KCNJ15: variants seen among roughly 807,000 people sequenced by gnomAD.
KCNJ15 encodes the protein potassium inwardly rectifying channel subfamily J member 15.
KCNJ15 carries 14 observed loss-of-function variants against 23.0 expected under a neutral mutation model. The ratio of observed to expected loss-of-function variants is 0.61; its 90% CI spans 0.40 to 0.95. The LOEUF is 0.95. Ranked by LOEUF, KCNJ15 falls within the 40% of genes least tolerant of loss-of-function variation. The pLI is 0.00. For missense variants in KCNJ15, 388 were observed against 461.8 expected, an observed-to-expected ratio of 0.84 and a Z score of 1.46; for synonymous variants, 185 against 183.2, an observed-to-expected ratio of 1.01 and a Z score of -0.08.
At chr21:38,278,274 G>A (rs1982951582) in intron 1 of KCNJ15, among the ~76,000 whole-genome samples, 1 of 152,216 alleles carries the variant, frequency 6.6e-6, no homozygotes, top group Admixed American at 6.5e-5. Context: ...TTGCATTCCA[G>A]TGGAAGGTGG....
chr21:38,254,984 A>T (rs2123590230), upstream of KCNJ15, among the ~76,000 whole-genome samples: 1 of 152,316 alleles, frequency 6.6e-6, no homozygotes, highest in African/African-American at 2.4e-5. Flanking sequence ...AAATATGCAT[A>T]TTTTTTGAGG....
intron 1 of KCNJ15, among the ~76,000 whole-genome samples, chr21:38,288,030 G>T (rs8133557): frequency 0.66 from 53,951 of 81,162 alleles, 17,115 homozygotes; most frequent in South Asian, 0.74. Flanking sequence ...TTTTTTCTTT[G>T]TTTTTTTTTT....
At chr21:38,297,300 C>T (rs772059143) in intron 2 of KCNJ15, among the ~76,000 whole-genome samples, 2 of 152,210 alleles carry the variant, frequency 1.3e-5, no homozygotes, top group Non-Finnish European at 2.9e-5. Flanking sequence ...TCATCCCAAG[C>T]CTGGCTTGCT....
chr21:38,261,575 A>G (rs962725045), intron 1 of KCNJ15, among the ~76,000 whole-genome samples: 7 of 152,182 alleles, frequency 4.6e-5, no homozygotes, highest in Non-Finnish European at 1.0e-4. Context: ...ACCAATCTTA[A>G]TGCTATCTAG....
At chr21:38,267,011 G>C (rs965140192) in intron 1 of KCNJ15, among the ~76,000 whole-genome samples, 12 of 152,196 alleles carry the variant, frequency 7.9e-5, no homozygotes, top group Non-Finnish European at 1.6e-4. Flanking sequence ...ATGATCAAGT[G>C]ACTAATTCAA....
chr21:38,293,285 A>G (rs939547356), intron 1 of KCNJ15, among the ~76,000 whole-genome samples: 1 of 152,174 alleles, frequency 6.6e-6, no homozygotes, highest in Non-Finnish European at 1.5e-5. Flanking sequence ...AAGGCAAGCC[A>G]TGTGATGATC....
chr21:38,238,756 G>A (rs1229577460), intron 1 of KCNJ15: 2 of 365,948 alleles, frequency 5.5e-6, no homozygotes, highest in East Asian at 1.2e-4. Flanking sequence ...AGGAAAAGAG[G>A]GGAGAAGAGT....
intron 1 of KCNJ15, among the ~76,000 whole-genome samples, chr21:38,265,594 C>T (rs1169750922): frequency 6.6e-6 from 1 of 152,192 alleles, no homozygotes; most frequent in Non-Finnish European, 1.5e-5. Flanking sequence ...GTGATCTTCA[C>T]CAAGTATATT....
chr21:38,257,828 A>T (rs538354714), intron 1 of KCNJ15, among the ~76,000 whole-genome samples: 76 of 152,374 alleles, frequency 5.0e-4, no homozygotes, highest in Non-Finnish European at 9.1e-4. Context: ...ATACTGGGTG[A>T]AATTTCCACA....
chr21:38,267,933 C>T (rs1981633174), intron 1 of KCNJ15, among the ~76,000 whole-genome samples: 2 of 152,144 alleles, frequency 1.3e-5, no homozygotes, highest in African/African-American at 2.4e-5. Context: ...GAGGGGGTTA[C>T]ATCTGTTCTT....
In KCNJ15 at chr21:38,300,003, C is replaced by T. The variant is rs1394500127; in HGVS notation, c.742C>T (p.Leu248Phe). The stretch of plus-strand genomic sequence containing the variant: ...GGACTCCTCCTCTGAGAGCCCCTTC[C>T]TCATTCTGCCCATGACATTCTACCA... The part of the protein sequence containing the change: ...HVDSSSESPF[L>F]ILPMTFYHVL... The change falls in exon 3 of 3, where the codon CTC (leucine) becomes TTC (phenylalanine). Residue 248 changes from leucine (L) to phenylalanine (F), a missense_variant. Transcript: ENST00000398938. 1 of 1,613,992 alleles carries T rather than the reference C, an allele frequency of 6.2e-7. No homozygotes were observed. The highest frequency in any genetic ancestry group is 8.5e-7 in the Non-Finnish European group (1 of 1,180,038).
chr21:38,295,058 A>C (rs1985002272), intron 1 of KCNJ15, among the ~76,000 whole-genome samples: 2 of 152,230 alleles, frequency 1.3e-5, no homozygotes, highest in Admixed American at 1.3e-4. Flanking sequence ...TGGGAGGATT[A>C]ACCCTTTTCT....
rs1403432473 is a variant in KCNJ15 at position 38,307,125 on chromosome 21, A to G, written c.*6736A>G. The G allele has an allele frequency of 1.3e-5, 2 of 152,220 alleles. No homozygotes were observed. Among genetic ancestry groups the G allele is most frequent in the Non-Finnish European group, 2.9e-5 (2 of 68,038 alleles). The allele number at this position is 152,220 out of a possible 1,614,324, so 9.4% of individuals were successfully genotyped here. A position where few individuals can be genotyped will look rare whatever the true frequency, so the allele number is the denominator to read the frequency against. ...TCAAGGCTGAGCTACTATTTGGTGC[A>G]TGTCGGAAATCTCACACTAACTGTG... On this transcript the variant is annotated 3_prime_UTR_variant, in exon 3 of 3. Coordinates refer to ENST00000398938, the MANE Select transcript of KCNJ15 (RefSeq NM_170736.3).
chr21:38,275,570 G>T (rs111693813), intron 1 of KCNJ15, among the ~76,000 whole-genome samples: 3,256 of 138,486 alleles, frequency 0.024, 118 homozygotes, highest in African/African-American at 0.08. Context: ...ACTTTTTTTT[G>T]AAAAGATCAG....
At chr21:38,284,140 A>T (rs758304989) in intron 1 of KCNJ15, among the ~76,000 whole-genome samples, 1 of 152,150 alleles carries the variant, frequency 6.6e-6, no homozygotes, top group Non-Finnish European at 1.5e-5. Flanking sequence ...CCTCCAGTGC[A>T]CACCTTCAAA....
chr21:38,265,812 A>C (rs911104041), intron 1 of KCNJ15, among the ~76,000 whole-genome samples: 1 of 152,220 alleles, frequency 6.6e-6, no homozygotes, highest in African/African-American at 2.4e-5. Flanking sequence ...TGACATTGAC[A>C]TGAGAGGCCC....
chr21:38,298,769 T>C (rs1307386553), intron 2 of KCNJ15, among the ~76,000 whole-genome samples: 1 of 152,220 alleles, frequency 6.6e-6, no homozygotes, highest in Admixed American at 6.5e-5. Flanking sequence ...TAATTTTAAA[T>C]TTTCTATAAT....
intron 1 of KCNJ15, among the ~76,000 whole-genome samples, chr21:38,246,977 TA>T (rs1568984692): frequency 6.6e-6 from 1 of 151,940 alleles, no homozygotes; most frequent in East Asian, 1.9e-4. Context: ...TTAATAAAAC[TA>T]AAAAATGAAG....
chr21:38,289,847 A>G (rs1601236313), intron 1 of KCNJ15, among the ~76,000 whole-genome samples: 1 of 152,352 alleles, frequency 6.6e-6, no homozygotes, highest in African/African-American at 2.4e-5. Context: ...TTTGCCAGTC[A>G]TCTCACAACA....
Sources: gnomAD v4.1 joint callset for allele counts (sites outside exome capture counted in the v4.1 genomes callset) on GRCh38, gnomAD v4.1.1 for gene constraint, MANE v1.5 for transcripts, NCBI Gene and HGNC (gene_info 2026-07-23, HGNC 2026-07-21) for gene names.